TENM1: variants seen among roughly 807,000 people sequenced by gnomAD.
TENM1 encodes the protein teneurin-1.
In TENM1, 35 loss-of-function variants were observed where a neutral mutation model predicts 174.8. The observed-to-expected ratio is 0.20, with a 90% CI of 0.15 to 0.27. The LOEUF is 0.27. Ranked by LOEUF, TENM1 falls within the 10% of genes least tolerant of loss-of-function variation. The probability of loss-of-function intolerance (pLI) is 1.00; values close to 1 mark genes in which losing one functional copy is unlikely to be tolerated. For missense variants in TENM1, 1,633 were observed against 2,130.1 expected (o/e 0.77, Z 4.59); for synonymous variants, 781 against 798.7 (o/e 0.98, Z 0.37).
At chrX:124,622,077 A>C (rs747257658) in intron 11 of TENM1, among the ~76,000 whole-genome samples, 3 of 112,094 alleles carry the variant, frequency 2.7e-5, no homozygotes, top group Non-Finnish European at 3.8e-5. Flanking sequence ...AGTTATTATC[A>C]ATTAAGTAAC....
intron 1 of TENM1, among the ~76,000 whole-genome samples, chrX:124,958,942 G>T (rs919815623): frequency 1.8e-5 from 2 of 110,947 alleles, no homozygotes; most frequent in African/African-American, 3.3e-5. Flanking sequence ...TACATAACTA[G>T]TAAACTTAAA....
chrX:124,746,107 T>A (rs2053912480), intron 3 of TENM1, among the ~76,000 whole-genome samples: 1 of 112,427 alleles, frequency 8.9e-6, no homozygotes, highest in African/African-American at 3.2e-5. Context: ...ATAATTTTAT[T>A]CAAGTTTATT....
rs777115369 is a variant in TENM1 at position 124,896,277 on chromosome X, A to C, written c.218-36T>G. The C allele has an allele frequency of 2.6e-6, 3 of 1,172,065 alleles. No homozygotes were observed. In the East Asian group the frequency reaches 9.0e-5, roughly 35 times the overall value. On this transcript the variant is annotated intron_variant, in intron 1 of 31. Transcript: ENST00000422452. ...ACAAAGTTCAGAGAAAACGTTTAGA[A>C]GTATGAAGAAATCCCCCAGAAAATT...
At chrX:124,849,209 T>G (rs887541853) in intron 3 of TENM1, among the ~76,000 whole-genome samples, 7 of 111,278 alleles carry the variant, frequency 6.3e-5, no homozygotes, top group Admixed American at 9.5e-5. Context: ...TATTATTTCT[T>G]TGAGTATTGT....
chrX:124,545,421 CTCT>C (rs962643646), intron 15 of TENM1, among the ~76,000 whole-genome samples: 2 of 112,180 alleles, frequency 1.8e-5, no homozygotes, highest in African/African-American at 6.5e-5. Flanking sequence ...AATGACTTGT[CTCT>C]TGTCTCTCTT....
chrX:124,398,209 CAG>C (rs1484063696), intron 27 of TENM1, among the ~76,000 whole-genome samples: 2 of 105,088 alleles, frequency 1.9e-5, no homozygotes, highest in Non-Finnish European at 3.9e-5. Context: ...GCCTGGGCGA[CAG>C]AGCAAGACTC....
chrX:125,175,916 T>C, the TENM1 span, among the ~76,000 whole-genome samples: 2 of 112,130 alleles, frequency 1.8e-5, no homozygotes, highest in South Asian at 3.7e-4. Context: ...ATATATTTGC[T>C]AAATAAAGGA....
At chrX:124,581,157 C>T (rs1461849988) in intron 11 of TENM1, among the ~76,000 whole-genome samples, 3 of 105,532 alleles carry the variant, frequency 2.8e-5, no homozygotes, top group East Asian at 3.0e-4. Flanking sequence ...CTCCACCTCC[C>T]GAGTTCCAGG....
intron 1 of TENM1, among the ~76,000 whole-genome samples, chrX:124,931,098 C>G (rs1326151635): frequency 1.8e-5 from 2 of 108,312 alleles, no homozygotes; most frequent in African/African-American, 7.1e-5. Context: ...AGAAACCCAA[C>G]GCTGTCAGAG....
At chrX:124,899,066 A>G (rs1314535665) in intron 1 of TENM1, among the ~76,000 whole-genome samples, 1 of 111,733 alleles carries the variant, frequency 8.9e-6, no homozygotes, top group Admixed American at 9.5e-5. Flanking sequence ...TTTTCTTGAA[A>G]TCAATGTCAC....
chrX:124,755,879 C>G (rs1350017859), intron 3 of TENM1, among the ~76,000 whole-genome samples: 1 of 106,567 alleles, frequency 9.4e-6, no homozygotes, highest in African/African-American at 3.6e-5. Flanking sequence ...GATGGGCTTC[C>G]CTTTGTGGGT....
chrX:124,668,791 T>A (rs1402252988), intron 6 of TENM1, among the ~76,000 whole-genome samples: 1 of 111,599 alleles, frequency 9.0e-6, no homozygotes, highest in Admixed American at 9.5e-5. Flanking sequence ...ATGGCACATG[T>A]ATACATATGT....
chrX:124,628,673 T>C (rs189636578), intron 11 of TENM1, among the ~76,000 whole-genome samples: 63 of 111,556 alleles, frequency 5.6e-4, no homozygotes, highest in African/African-American at 1.9e-3. Context: ...AATTACATAA[T>C]TGATCATTTT....
chrX:124,787,943 G>T (rs779357461), intron 3 of TENM1, among the ~76,000 whole-genome samples: 40 of 111,725 alleles, frequency 3.6e-4, no homozygotes, highest in Non-Finnish European at 5.3e-4. Context: ...CATGGCTGGG[G>T]AGGCCTCAAA....
At chrX:125,193,800 A>T in the TENM1 span, among the ~76,000 whole-genome samples, 1 of 110,444 alleles carries the variant, frequency 9.1e-6, no homozygotes, top group African/African-American at 3.3e-5. Context: ...ATTTTTTTAG[A>T]ACAAGCTCTT....
the TENM1 span, among the ~76,000 whole-genome samples, chrX:125,047,868 T>C: frequency 9.0e-6 from 1 of 111,166 alleles, no homozygotes; most frequent in Non-Finnish European, 1.9e-5. Flanking sequence ...CAGGGGACAC[T>C]AGTTACCTTT....
At chrX:124,996,080 G>A in the TENM1 span, among the ~76,000 whole-genome samples, 3 of 111,183 alleles carry the variant, frequency 2.7e-5, no homozygotes, top group African/African-American at 9.8e-5. Context: ...TCTACTTATG[G>A]AAGGTTTTTA....
At chrX:124,447,664 C>T (rs961405588) in intron 23 of TENM1, among the ~76,000 whole-genome samples, 1 of 111,603 alleles carries the variant, frequency 9.0e-6, no homozygotes, top group Middle Eastern at 4.2e-3. Context: ...CCATTCCCTT[C>T]CTCTTGAAAA....
At chrX:124,668,969 A>G (rs1045240279) in intron 6 of TENM1, among the ~76,000 whole-genome samples, 9 of 111,747 alleles carry the variant, frequency 8.1e-5, no homozygotes, top group Non-Finnish European at 1.7e-4. Flanking sequence ...CGATCTCAAG[A>G]AGGTCATCAT....
Sources: gnomAD v4.1 joint callset for allele counts (sites outside exome capture counted in the v4.1 genomes callset) on GRCh38, gnomAD v4.1.1 for gene constraint, MANE v1.5 for transcripts, NCBI Gene and HGNC (gene_info 2026-07-23, HGNC 2026-07-21) for gene names.